The following AUTS2 variants were observed in gnomAD, a reference collection of about 807,000 sequenced individuals.
The protein encoded by AUTS2 is activator of transcription and developmental regulator AUTS2.
AUTS2 carries 17 observed loss-of-function variants against 112.4 expected under a neutral mutation model. That is an observed-to-expected ratio of 0.15 (90% CI 0.10 to 0.23). AUTS2 has a LOEUF of 0.23. Ranked by LOEUF, AUTS2 falls within the 10% of genes least tolerant of loss-of-function variation. The pLI is 1.00. For synonymous variants in AUTS2, 751 were observed against 702.7 expected, an observed-to-expected ratio of 1.07 and a Z score of -1.09; for missense variants, 1,510 against 1,701.6, an observed-to-expected ratio of 0.89 and a Z score of 1.98.
intron 4 of AUTS2, among the ~76,000 whole-genome samples, chr7:70,217,125 T>C (rs1020606993): frequency 6.6e-6 from 1 of 152,158 alleles, no homozygotes; most frequent in African/African-American, 2.4e-5. Flanking sequence ...CAGCTTTTAT[T>C]AGCAAGAAAA....
intron 4 of AUTS2, among the ~76,000 whole-genome samples, chr7:70,362,632 C>G (rs1397496383): frequency 6.6e-6 from 1 of 151,616 alleles, no homozygotes; most frequent in African/African-American, 2.4e-5. Flanking sequence ...CCCTCCCTCT[C>G]TCCTTCCTCC....
intron 4 of AUTS2, among the ~76,000 whole-genome samples, chr7:70,414,397 A>C (rs1167693563): frequency 2.0e-5 from 3 of 152,232 alleles, no homozygotes; most frequent in Non-Finnish European, 4.4e-5. Context: ...GATAATCAGC[A>C]GTGGGACTGG....
chr7:70,104,176 CTTTT>C (rs11294643), intron 2 of AUTS2, among the ~76,000 whole-genome samples: 1 of 142,108 alleles, frequency 7.0e-6, no homozygotes, highest in Non-Finnish European at 1.5e-5. Flanking sequence ...ATATATACAC[CTTTT>C]TTTTTTTTTT....
intron 6 of AUTS2, chr7:70,699,314 A>G (rs1809315088): frequency 6.6e-6 from 1 of 152,222 alleles, no homozygotes; most frequent in African/African-American, 2.4e-5. Flanking sequence ...GACAAACCAT[A>G]TAAACTATTT....
intron 1 of AUTS2, among the ~76,000 whole-genome samples, chr7:69,609,506 A>G (rs1355208827): frequency 1.3e-5 from 2 of 152,230 alleles, no homozygotes; most frequent in Non-Finnish European, 1.5e-5. Context: ...GTGGTTTCTC[A>G]TCATTGAATG....
chr7:70,289,133 T>C (rs919956845), intron 4 of AUTS2, among the ~76,000 whole-genome samples: 1 of 152,204 alleles, frequency 6.6e-6, no homozygotes, highest in African/African-American at 2.4e-5. Context: ...AGAAGCTTAA[T>C]ATATTCCAAA....
At chr7:69,874,083 G>T (rs1183588634) in intron 1 of AUTS2, among the ~76,000 whole-genome samples, 2 of 152,154 alleles carry the variant, frequency 1.3e-5, no homozygotes, top group Admixed American at 1.3e-4. Flanking sequence ...ACTGGCAGAG[G>T]AAGTTGCAGT....
chr7:69,701,559 A>C (rs1165482712), intron 1 of AUTS2, among the ~76,000 whole-genome samples: 7 of 152,116 alleles, frequency 4.6e-5, no homozygotes, highest in African/African-American at 1.7e-4. Flanking sequence ...ATGTGAGGTC[A>C]CTCTCCTTTG....
intron 1 of AUTS2, among the ~76,000 whole-genome samples, chr7:69,842,726 G>T (rs1792035157): frequency 6.6e-6 from 1 of 152,062 alleles, no homozygotes; most frequent in Non-Finnish European, 1.5e-5. Context: ...TATTCTTTTG[G>T]TCAGAGAGCC....
chr7:70,208,671 C>T (rs1370805427), intron 4 of AUTS2, among the ~76,000 whole-genome samples: 1 of 151,922 alleles, frequency 6.6e-6, no homozygotes, highest in Non-Finnish European at 1.5e-5. Context: ...AATTCAGATA[C>T]TTGTGAGGCT....
chr7:69,784,299 A>G (rs1172380450), intron 1 of AUTS2, among the ~76,000 whole-genome samples: 1 of 152,242 alleles, frequency 6.6e-6, no homozygotes, highest in East Asian at 1.9e-4. Flanking sequence ...AAATCCTGGC[A>G]TGATCTTTCC....
intron 5 of AUTS2, among the ~76,000 whole-genome samples, chr7:70,568,178 T>G (rs925537584): frequency 1.6e-4 from 25 of 152,210 alleles, no homozygotes; most frequent in African/African-American, 5.8e-4. Flanking sequence ...CATGTTCACT[T>G]TCTAATATAG....
intron 5 of AUTS2, among the ~76,000 whole-genome samples, chr7:70,614,190 C>T (rs1209329146): frequency 2.0e-5 from 3 of 152,204 alleles, no homozygotes; most frequent in African/African-American, 7.2e-5. Flanking sequence ...TAGTCTACAG[C>T]TCTCCTCAGA....
At chr7:70,592,212 TTTC>T in intron 5 of AUTS2, among the ~76,000 whole-genome samples, 1 of 152,344 alleles carries the variant, frequency 6.6e-6, no homozygotes, top group East Asian at 1.9e-4. Flanking sequence ...CAGAATCTTC[TTTC>T]TTCTCTTAAC....
chr7:69,844,096 A>C (rs1236181814), intron 1 of AUTS2, among the ~76,000 whole-genome samples: 1 of 152,174 alleles, frequency 6.6e-6, no homozygotes, highest in Non-Finnish European at 1.5e-5. Flanking sequence ...TGAATACTGA[A>C]GATGATAAAG....
Position 70,491,076 on chromosome 7 carries a change from G to A in AUTS2, c.690+55295G>A, listed in dbSNP as rs116417413. Among the ~76,000 whole-genome samples, 659 of 152,296 alleles carry A rather than the reference G, an allele frequency of 4.3e-3. 4 individuals carry two copies. The highest frequency in any genetic ancestry group is 0.015 in the African/African-American group (622 of 41,552). ...CCTGTCAGCCATGAGGCTGTAGACA[G>A]GGTCCTAAAGTGCAAAGAAAAAGCT... is the stretch of plus-strand genomic sequence containing the variant. On this transcript the variant is annotated intron_variant, in intron 5 of 18. Transcript: ENST00000342771.
intron 5 of AUTS2, among the ~76,000 whole-genome samples, chr7:70,505,019 A>G (rs1798909449): frequency 6.6e-6 from 1 of 152,220 alleles, no homozygotes; most frequent in Non-Finnish European, 1.5e-5. Context: ...ACACTAAGCA[A>G]TCAGAGATTT....
At chr7:69,613,662 T>C (rs577576730) in intron 1 of AUTS2, among the ~76,000 whole-genome samples, 2 of 152,342 alleles carry the variant, frequency 1.3e-5, no homozygotes, top group East Asian at 1.9e-4. Flanking sequence ...ACTGTGCATA[T>C]AAGCTTATAT....
intron 1 of AUTS2, among the ~76,000 whole-genome samples, chr7:69,652,558 T>C (rs1795342357): frequency 6.6e-6 from 1 of 152,060 alleles, no homozygotes; most frequent in African/African-American, 2.4e-5. Flanking sequence ...AGTTTTATTA[T>C]AGGTGCTAGT....
Sources: allele counts gnomAD v4.1 joint callset (sites outside exome capture counted in the v4.1 genomes callset), GRCh38; gene constraint gnomAD v4.1.1; transcripts MANE v1.5; gene names NCBI Gene and HGNC (gene_info 2026-07-23, HGNC 2026-07-21).